Variants in SEMA5A observed in about 807,000 individuals in gnomAD.
SEMA5A encodes semaphorin-5A.
Under a neutral mutation model 135.5 loss-of-function variants are expected in SEMA5A, and 55 were observed. The observed-to-expected ratio is 0.41, with a 90% CI of 0.33 to 0.51. The LOEUF (loss-of-function observed/expected upper bound fraction) is 0.51. SEMA5A is among the 20% of genes least tolerant of loss of function. The probability of loss-of-function intolerance (pLI) is 0.37; values close to 1 mark genes in which losing one functional copy is unlikely to be tolerated. For synonymous variants in SEMA5A, 580 were observed against 546.5 expected (o/e 1.06, Z -0.85); for missense variants, 1,290 against 1,419.9 (o/e 0.91, Z 1.47).
intron 13 of SEMA5A, among the ~76,000 whole-genome samples, chr5:9,134,591 C>A (rs994341232): frequency 6.6e-6 from 1 of 152,128 alleles, no homozygotes. Flanking sequence ...GAGGGTCCCA[C>A]GGGGACAAGC....
chr5:9,343,457 A>T (rs1292461872), intron 3 of SEMA5A, among the ~76,000 whole-genome samples: 1 of 152,164 alleles, frequency 6.6e-6, no homozygotes, highest in African/African-American at 2.4e-5. Flanking sequence ...TTCTGTGAGC[A>T]GCACAGGAAA....
chr5:9,340,448 A>G (rs959721502), intron 3 of SEMA5A, among the ~76,000 whole-genome samples: 1 of 152,272 alleles, frequency 6.6e-6, no homozygotes, highest in African/African-American at 2.4e-5. Flanking sequence ...TTTCCCATGC[A>G]TTCATCTTTC....
intron 1 of SEMA5A, among the ~76,000 whole-genome samples, chr5:9,507,608 A>C (rs984809315): frequency 1.3e-5 from 2 of 152,140 alleles, no homozygotes; most frequent in African/African-American, 4.8e-5. Context: ...TCAGTGTAAG[A>C]GAGAAGGAAA....
chr5:9,483,195 T>G (rs948615709), intron 1 of SEMA5A, among the ~76,000 whole-genome samples: 8 of 152,114 alleles, frequency 5.3e-5, no homozygotes, highest in Non-Finnish European at 8.8e-5. Context: ...TCATTTTCTC[T>G]CCCATAATGT....
chr5:9,481,654 G>A (rs1028806165), intron 1 of SEMA5A, among the ~76,000 whole-genome samples: 5 of 151,796 alleles, frequency 3.3e-5, no homozygotes, highest in Non-Finnish European at 7.4e-5. Flanking sequence ...TCCCTTTCTT[G>A]CTCTCCTTTT....
chr5:9,258,803 CTT>C (rs748703578), intron 5 of SEMA5A, among the ~76,000 whole-genome samples: 6 of 48,988 alleles, frequency 1.2e-4, no homozygotes, highest in African/African-American at 1.7e-4. Context: ...TTCTTTCTTT[CTT>C]TTTTTTTTTT....
rs1479328637 is a variant in SEMA5A at position 9,109,625 on chromosome 5, G to T, written c.1926-1338C>A. Among the ~76,000 whole-genome samples the T allele has an allele frequency of 2.0e-5, 3 of 152,204 alleles. No individual in the cohort carries two copies. In the East Asian group the frequency reaches 5.8e-4, roughly 29 times the overall value. ...CTGCCTTAAGAAACAAGAGGCAAAG[G>T]TTCCCATCTGCTGGTGTAAGTCAGT... On this transcript the variant is annotated intron_variant, in intron 15 of 22. Transcript: ENST00000382496.
At chr5:9,183,109 G>A (rs1311555771) in intron 11 of SEMA5A, among the ~76,000 whole-genome samples, 1 of 152,084 alleles carries the variant, frequency 6.6e-6, no homozygotes, top group Non-Finnish European at 1.5e-5. Context: ...GCATTACTGG[G>A]GGTGCAATCC....
intron 3 of SEMA5A, chr5:9,367,539 A>T (rs1471278674): frequency 2.0e-5 from 3 of 152,268 alleles, no homozygotes; most frequent in Non-Finnish European, 2.9e-5. Context: ...CTGAAAATCA[A>T]CAATTCTCAA....
At chr5:9,266,396 G>A (rs746478037) in intron 5 of SEMA5A, among the ~76,000 whole-genome samples, 1 of 152,184 alleles carries the variant, frequency 6.6e-6, no homozygotes, top group Non-Finnish European at 1.5e-5. Context: ...AGGGTTTCCT[G>A]TTATTCGTGA....
At chr5:9,101,317 G>A (rs1739620045) in intron 16 of SEMA5A, among the ~76,000 whole-genome samples, 1 of 152,160 alleles carries the variant, frequency 6.6e-6, no homozygotes. Context: ...GTCTGGCTTT[G>A]AGGCTGGCAA....
chr5:9,343,157 G>T (rs896977915), intron 3 of SEMA5A, among the ~76,000 whole-genome samples: 1 of 137,766 alleles, frequency 7.3e-6, no homozygotes, highest in African/African-American at 2.7e-5. Context: ...GATTGTTTTT[G>T]CCCATGTTAA....
intron 5 of SEMA5A, among the ~76,000 whole-genome samples, chr5:9,311,855 A>G (rs1046166548): frequency 5.9e-5 from 9 of 152,178 alleles, no homozygotes; most frequent in African/African-American, 1.9e-4. Flanking sequence ...TAAGTTTTCA[A>G]TTTAGAAACC....
At chr5:9,087,758 G>T (rs918733322) in intron 16 of SEMA5A, among the ~76,000 whole-genome samples, 2 of 152,128 alleles carry the variant, frequency 1.3e-5, no homozygotes, top group Non-Finnish European at 2.9e-5. Context: ...TGTTCTAGAA[G>T]TTGCCTAATA....
At chr5:9,148,155 C>T (rs924973793) in intron 12 of SEMA5A, among the ~76,000 whole-genome samples, 10 of 152,138 alleles carry the variant, frequency 6.6e-5, no homozygotes, top group African/African-American at 2.2e-4. Context: ...GTAGAAAATT[C>T]CATGGTGTTC....
chr5:9,044,770 G>A (rs1012132437), intron 21 of SEMA5A, among the ~76,000 whole-genome samples, 186 bp from the exon 22 acceptor site: 2 of 151,920 alleles, frequency 1.3e-5, no homozygotes, highest in African/African-American at 4.8e-5. Context: ...TTCTACACAG[G>A]GAGCACAGGA....
chr5:9,407,867 C>T (rs1279909416), intron 2 of SEMA5A, among the ~76,000 whole-genome samples: 1 of 152,068 alleles, frequency 6.6e-6, no homozygotes, highest in Non-Finnish European at 1.5e-5. Context: ...TGCCTTACCA[C>T]CATCACCATC....
chr5:9,286,176 A>G (rs1159643108), intron 5 of SEMA5A, among the ~76,000 whole-genome samples: 9 of 152,180 alleles, frequency 5.9e-5, no homozygotes, highest in Admixed American at 5.2e-4. Flanking sequence ...TTGCTAAGAT[A>G]AGGTGTAACG....
rs984793142 is a variant in SEMA5A, at chr5:9,460,710, C to G, written c.-174-22858G>C. Among the ~76,000 whole-genome samples, 9 of 152,064 alleles carry G rather than the reference C, an allele frequency of 5.9e-5. No homozygotes were observed. The East Asian group carries it at 1.7e-3, about 29-fold the overall frequency. Reference sequence around the variant, plus strand: ...AAACATTCCAATTTCCATTTTTGAACTCCCAGATATTAAGGGATTGCTATC... The same window carrying G: ...AAACATTCCAATTTCCATTTTTGAAGTCCCAGATATTAAGGGATTGCTATC... On this transcript the variant is annotated intron_variant, in intron 1 of 22. Coordinates refer to ENST00000382496, the MANE Select transcript of SEMA5A (RefSeq NM_003966.3).
Sources: allele counts gnomAD v4.1 joint callset (sites outside exome capture counted in the v4.1 genomes callset), GRCh38; gene constraint gnomAD v4.1.1; transcripts MANE v1.5; gene names NCBI Gene and HGNC (gene_info 2026-07-23, HGNC 2026-07-21).